ZZZ3: variants seen among roughly 807,000 people sequenced by gnomAD.
ZZZ3 encodes ZZ-type zinc finger-containing protein 3.
Under a neutral mutation model 95.2 loss-of-function variants are expected in ZZZ3, and 22 were observed. The observed-to-expected ratio is 0.23, with a 90% CI of 0.17 to 0.33. The LOEUF (loss-of-function observed/expected upper bound fraction) is 0.33. ZZZ3 is among the 10% of genes least tolerant of loss of function. ZZZ3 has a pLI of 1.00. For synonymous variants in ZZZ3, 335 were observed against 358.9 expected (o/e 0.93, Z 0.75); for missense variants, 885 against 1,066.5 (o/e 0.83, Z 2.37).
chr1:77,632,387 T>C lies in ZZZ3; in HGVS notation c.968A>G (p.Asp323Gly). 6.2e-7 allele frequency: 1 copy of C among 1,614,130 alleles called. No homozygotes were observed. The highest frequency in any genetic ancestry group is 8.5e-7 in the Non-Finnish European group (1 of 1,180,008). Residue 323 changes from aspartate to glycine, a missense_variant, in exon 5 of 15, where the codon GAT becomes GGT. By Grantham distance (94) the Asp-to-Gly change is moderately conservative. Transcript: ENST00000370801. Reference protein sequence around the residue: ...DSEEEVDVVGDSSASKEQCKE... With the variant: ...DSEEEVDVVGGSSASKEQCKE... ...ACACTGCTCTTTTGAGGCACTGCTA[T>C]CTCCCACCACATCTACTTCCTCCTC...
At chr1:77,654,185 CAAAAAAAAAA>C (rs749067016) in intron 1 of ZZZ3, among the ~76,000 whole-genome samples, 10 of 66,344 alleles carry the variant, frequency 1.5e-4, no homozygotes, top group African/African-American at 2.2e-4. Flanking sequence ...GACTCCATCT[CAAAAAAAAAA>C]AAAAAAAAAA....
intron 5 of ZZZ3, among the ~76,000 whole-genome samples, chr1:77,587,004 A>G (rs1663144218): frequency 6.6e-6 from 1 of 152,256 alleles, no homozygotes; most frequent in Non-Finnish European, 1.5e-5. Context: ...TTCAACAATT[A>G]TCTACTTAGA....
At chr1:77,578,642 T>C in intron 11 of ZZZ3, 132 bp downstream of exon 11, 1 of 473,296 alleles carries the variant, frequency 2.1e-6, no homozygotes, top group Non-Finnish European at 3.5e-6. Flanking sequence ...TTTTGCACAA[T>C]ATAAGGAAAT....
intron 5 of ZZZ3, among the ~76,000 whole-genome samples, chr1:77,589,674 C>T (rs1015933526): frequency 6.6e-6 from 1 of 151,570 alleles, no homozygotes; most frequent in African/African-American, 2.4e-5. Context: ...TGCCCAGGCT[C>T]GTCTCAAACT....
chr1:77,566,001 G>T, intron 14 of ZZZ3, 80 bp downstream of exon 14: 2 of 1,252,546 alleles, frequency 1.6e-6, no homozygotes, highest in Non-Finnish European at 2.2e-6. Flanking sequence ...TATTTTCTAT[G>T]TTTGGAAATC....
At chr1:77,573,129 T>A (rs1661574570) in intron 12 of ZZZ3, among the ~76,000 whole-genome samples, 2 of 152,128 alleles carry the variant, frequency 1.3e-5, no homozygotes, top group Non-Finnish European at 2.9e-5. Context: ...TTTAATTTAT[T>A]TTTTTGGAGC....
At chr1:77,579,765 C>G in intron 9 of ZZZ3, 137 bp from the exon 10 acceptor site, 1 of 497,518 alleles carries the variant, frequency 2.0e-6, no homozygotes, top group Non-Finnish European at 3.4e-6. Context: ...ATTAGAAATC[C>G]TCATGGTAGG....
In ZZZ3 at chr1:77,581,113, C is replaced by T. The variant is rs201915325; in HGVS notation, c.1909-44G>A. 4.1e-5 allele frequency: 61 copies of T among 1,491,538 alleles called. 1 individual carries two copies. In the South Asian group the frequency reaches 6.4e-4, roughly 16 times the overall value. The allele number at this position is 1,491,538 out of a possible 1,614,324, so 92.4% of individuals were successfully genotyped here. A position where few individuals can be genotyped will look rare whatever the true frequency, so the allele number is the denominator to read the frequency against. On this transcript the variant is annotated intron_variant, in intron 8 of 14. Transcript: ENST00000370801. ...TTTTGTCAGAGAGAAAATAACAACACCTATCCTTTGATATAGCCAAATAAC... is the reference window on the plus strand; with the variant it reads ...TTTTGTCAGAGAGAAAATAACAACATCTATCCTTTGATATAGCCAAATAAC...
chr1:77,683,105 TCGCAGCCG>T, upstream of ZZZ3, among the ~76,000 whole-genome samples: 1 of 129,598 alleles, frequency 7.7e-6, no homozygotes, highest in African/African-American at 3.0e-5. Context: ...GTCGCAGCCG[TCGCAGCCG>T]TCGCAGTCGT....
intron 1 of ZZZ3, among the ~76,000 whole-genome samples, chr1:77,654,926 G>A: frequency 6.6e-6 from 1 of 152,136 alleles, no homozygotes; most frequent in East Asian, 1.9e-4. Flanking sequence ...TGGGATTACA[G>A]GTATAAGCCA....
In ZZZ3 at chr1:77,600,651, G is replaced by A. The variant is rs189496700; in HGVS notation, c.1506-15996C>T. On this transcript the variant is annotated intron_variant, in intron 5 of 14. Transcript: ENST00000370801. ...TAAGAAAAGGTAGTAAAAGGGAAAGGGTTCCCGGGGTTGTTCCAAACAGAA... is the reference window on the plus strand; with the variant it reads ...TAAGAAAAGGTAGTAAAAGGGAAAGAGTTCCCGGGGTTGTTCCAAACAGAA... Among the ~76,000 whole-genome samples the A allele has an allele frequency of 1.1e-4, 16 of 152,218 alleles. No individual in the cohort carries two copies. The East Asian group carries it at 3.1e-3, about 29-fold the overall frequency.
chr1:77,669,598 C>T (rs1254781394), intron 1 of ZZZ3, among the ~76,000 whole-genome samples: 3 of 151,762 alleles, frequency 2.0e-5, no homozygotes, highest in African/African-American at 7.3e-5. Context: ...GCTGGAATTA[C>T]AGGCACCCAC....
intron 5 of ZZZ3, among the ~76,000 whole-genome samples, chr1:77,610,738 C>T (rs1316509006): frequency 6.6e-6 from 1 of 151,582 alleles, no homozygotes; most frequent in East Asian, 1.9e-4. Flanking sequence ...GCAGAAAAAG[C>T]ACTGGCAAAG....
At chr1:77,669,853 A>C (rs932376951) in intron 1 of ZZZ3, among the ~76,000 whole-genome samples, 3 of 152,152 alleles carry the variant, frequency 2.0e-5, no homozygotes, top group Non-Finnish European at 4.4e-5. Flanking sequence ...GCTGATTTAA[A>C]AAAAAAAGAA....
At chr1:77,623,821 T>G (rs1429033213) in intron 5 of ZZZ3, among the ~76,000 whole-genome samples, 2 of 152,138 alleles carry the variant, frequency 1.3e-5, no homozygotes. Context: ...ACATTCAGAT[T>G]TTCCCTATGT....
intron 5 of ZZZ3, among the ~76,000 whole-genome samples, chr1:77,585,405 C>A (rs538949120): frequency 7.2e-5 from 11 of 152,302 alleles, no homozygotes; most frequent in Non-Finnish European, 1.3e-4. Flanking sequence ...TATTCTCCCT[C>A]TGTTTAAATT....
intron 12 of ZZZ3, among the ~76,000 whole-genome samples, chr1:77,569,073 A>T (rs564993963): frequency 3.5e-4 from 54 of 152,386 alleles, no homozygotes; most frequent in African/African-American, 1.3e-3. Flanking sequence ...GCAGTGGCTT[A>T]TACCTGTAAT....
intron 5 of ZZZ3, among the ~76,000 whole-genome samples, chr1:77,623,373 CATAAG>C (rs1242618695): frequency 6.6e-6 from 1 of 152,154 alleles, no homozygotes; most frequent in African/African-American, 2.4e-5. Flanking sequence ...GCTGCACACA[CATAAG>C]ATGAGACTCC....
chr1:77,663,323 A>G (rs1410738512), intron 1 of ZZZ3, among the ~76,000 whole-genome samples: 1 of 152,140 alleles, frequency 6.6e-6, no homozygotes, highest in Non-Finnish European at 1.5e-5. Context: ...AGTTAAGAGA[A>G]TATCTTAGTT....
Sources: gnomAD v4.1 joint callset for allele counts (sites outside exome capture counted in the v4.1 genomes callset) on GRCh38, gnomAD v4.1.1 for gene constraint, MANE v1.5 for transcripts, NCBI Gene and HGNC (gene_info 2026-07-23, HGNC 2026-07-21) for gene names.